GRIK4: variants seen among roughly 807,000 people sequenced by gnomAD.
The protein encoded by GRIK4 is glutamate ionotropic receptor kainate type subunit 4.
GRIK4 carries 40 observed loss-of-function variants against 104.9 expected under a neutral mutation model. The observed-to-expected ratio is 0.38, with a 90% CI of 0.30 to 0.50. GRIK4 has a LOEUF of 0.50. Among genes scored for constraint, GRIK4 ranks in the 20% least tolerant of loss-of-function variants. The probability of loss-of-function intolerance (pLI) is 0.93; values close to 1 mark genes in which losing one functional copy is unlikely to be tolerated. For synonymous variants in GRIK4, 485 were observed against 524.9 expected (o/e 0.92, Z 1.04); for missense variants, 1,047 against 1,308.1 (o/e 0.80, Z 3.08).
At chr11:120,596,341 T>C (rs762449667) in intron 1 of GRIK4, among the ~76,000 whole-genome samples, 8 of 152,338 alleles carry the variant, frequency 5.3e-5, no homozygotes, top group Non-Finnish European at 1.0e-4. Flanking sequence ...GAGACAGGTC[T>C]ATTAACCAGT....
chr11:120,560,352 TC>T (rs1300046229), intron 1 of GRIK4, among the ~76,000 whole-genome samples: 48 of 152,136 alleles, frequency 3.2e-4, no homozygotes, highest in African/African-American at 1.1e-3. Flanking sequence ...GTGCCTGGCC[TC>T]CAAGCAGATT....
chr11:120,814,868 G>A (rs948826405), intron 4 of GRIK4, among the ~76,000 whole-genome samples: 15 of 152,032 alleles, frequency 9.9e-5, no homozygotes, highest in African/African-American at 3.1e-4. Flanking sequence ...TCTTGCCTCC[G>A]CTCCTTTTGA....
chr11:120,669,754 T>A (rs893678507), intron 3 of GRIK4, among the ~76,000 whole-genome samples: 4 of 152,252 alleles, frequency 2.6e-5, no homozygotes, highest in African/African-American at 9.6e-5. Flanking sequence ...CATCTCTTGA[T>A]CTCTGAAGAT....
chr11:120,706,513 G>A (rs578207079), intron 3 of GRIK4, among the ~76,000 whole-genome samples: 2 of 152,288 alleles, frequency 1.3e-5, no homozygotes, highest in East Asian at 3.9e-4. Context: ...GAGCCCAGGG[G>A]TGAGTCATGT....
chr11:120,950,958 G>T (rs2134684882), intron 14 of GRIK4, among the ~76,000 whole-genome samples: 1 of 152,294 alleles, frequency 6.6e-6, no homozygotes, highest in South Asian at 2.1e-4. Context: ...CCTGAGTGTT[G>T]TATGCAGACT....
chr11:120,729,308 C>G (rs892914950), intron 3 of GRIK4, among the ~76,000 whole-genome samples: 4 of 152,252 alleles, frequency 2.6e-5, no homozygotes, highest in Non-Finnish European at 5.9e-5. Context: ...TATGGTAACT[C>G]TATTTTTAGT....
intron 18 of GRIK4, among the ~76,000 whole-genome samples, chr11:120,963,625 A>G (rs1038999328): frequency 6.6e-6 from 1 of 152,172 alleles, no homozygotes; most frequent in African/African-American, 2.4e-5. Flanking sequence ...GGTATACGGT[A>G]TGCTCATCTT....
At chr11:120,578,499 C>T (rs933100951) in intron 1 of GRIK4, among the ~76,000 whole-genome samples, 1 of 152,204 alleles carries the variant, frequency 6.6e-6, no homozygotes, top group African/African-American at 2.4e-5. Context: ...GATACCATTG[C>T]AACCTTACAC....
intron 14 of GRIK4, among the ~76,000 whole-genome samples, chr11:120,943,622 A>AT (rs1203812411): frequency 6.6e-6 from 1 of 152,132 alleles, no homozygotes; most frequent in Non-Finnish European, 1.5e-5. Flanking sequence ...TTGTTTTGCA[A>AT]TTTTTCTCTA....
chr11:120,741,611 C>G (rs955128031), intron 3 of GRIK4, among the ~76,000 whole-genome samples: 1 of 152,162 alleles, frequency 6.6e-6, no homozygotes, highest in Non-Finnish European at 1.5e-5. Flanking sequence ...CTGTGCAATG[C>G]TGCCTTTCTG....
At chr11:120,811,634 A>G (rs1952830769) in intron 4 of GRIK4, among the ~76,000 whole-genome samples, 1 of 152,038 alleles carries the variant, frequency 6.6e-6, no homozygotes, top group Non-Finnish European at 1.5e-5. Flanking sequence ...TCCTCAGTGT[A>G]TAAGTACTCT....
intron 4 of GRIK4, among the ~76,000 whole-genome samples, chr11:120,809,821 T>C (rs1952791871): frequency 6.6e-6 from 1 of 152,152 alleles, no homozygotes; most frequent in Non-Finnish European, 1.5e-5. Flanking sequence ...ATCCCATCAC[T>C]TCGGGAGGCT....
intron 3 of GRIK4, among the ~76,000 whole-genome samples, chr11:120,788,364 T>C (rs1376179420): frequency 2.0e-5 from 3 of 151,986 alleles, no homozygotes; most frequent in Non-Finnish European, 2.9e-5. Context: ...GATCTCTATA[T>C]GTTCTTGTAT....
At chr11:120,723,255 A>G (rs1416462829) in intron 3 of GRIK4, among the ~76,000 whole-genome samples, 2 of 152,202 alleles carry the variant, frequency 1.3e-5, no homozygotes, top group Non-Finnish European at 1.5e-5. Context: ...CGTTAATATA[A>G]GTGTGTGTTC....
At chr11:120,846,957 C>A (rs1176995915) in intron 8 of GRIK4, among the ~76,000 whole-genome samples, 3 of 152,168 alleles carry the variant, frequency 2.0e-5, no homozygotes, top group African/African-American at 7.2e-5. Flanking sequence ...TGGGGGAGCA[C>A]CCCTGTCTTC....
intron 3 of GRIK4, among the ~76,000 whole-genome samples, chr11:120,661,841 G>A (rs975809975): frequency 2.0e-5 from 3 of 151,572 alleles, no homozygotes; most frequent in Admixed American, 2.0e-4. Context: ...TAAAAAAAAA[G>A]AAATTAAAAA....
chr11:120,969,630 G>A (rs1296661180), intron 19 of GRIK4, among the ~76,000 whole-genome samples: 2 of 152,160 alleles, frequency 1.3e-5, no homozygotes, highest in Non-Finnish European at 2.9e-5. Flanking sequence ...AAATAAAGTT[G>A]GATGATTGTC....
chr11:120,788,945 G>C (rs1188803220), intron 3 of GRIK4, among the ~76,000 whole-genome samples: 1 of 152,026 alleles, frequency 6.6e-6, no homozygotes, highest in Non-Finnish European at 1.5e-5. Flanking sequence ...CCTCCTACTT[G>C]CCCAGCCCTG....
At chr11:120,699,052 T>C (rs1449050439) in intron 3 of GRIK4, among the ~76,000 whole-genome samples, 1 of 152,222 alleles carries the variant, frequency 6.6e-6, no homozygotes, top group Non-Finnish European at 1.5e-5. Flanking sequence ...TGTTTGCCCC[T>C]GTGGCAGCTC....
Sources: gnomAD v4.1 joint callset for allele counts (sites outside exome capture counted in the v4.1 genomes callset) on GRCh38, gnomAD v4.1.1 for gene constraint, MANE v1.5 for transcripts, NCBI Gene and HGNC (gene_info 2026-07-23, HGNC 2026-07-21) for gene names.